The following PEG3 variants were observed in gnomAD, a reference collection of about 807,000 sequenced individuals.
The protein encoded by PEG3 is paternally-expressed gene 3 protein.
Under a neutral mutation model 35.5 loss-of-function variants are expected in PEG3, and 23 were observed. The ratio of observed to expected loss-of-function variants is 0.65; its 90% CI spans 0.47 to 0.92. The LOEUF is 0.92. PEG3 is among the 40% of genes least tolerant of loss of function. The pLI, the probability that PEG3 is intolerant of heterozygous loss-of-function variation, is 0.00. For missense variants in PEG3, 1,960 were observed against 1,985.3 expected (o/e 0.99, Z 0.24); for synonymous variants, 707 against 697.0 (o/e 1.01, Z -0.23).
Position 56,818,458 on chromosome 19 carries a change from T to A in PEG3, c.772+142A>T, listed in dbSNP as rs2060186246. ...ACAAATTTTATCATTTACTCCCTCA[T>A]TTGAAATCTTTCAAAGATTTCTTAT... On this transcript the variant is annotated intron_variant, in intron 8 of 9. Transcript: ENST00000326441. 4.4e-6 allele frequency: 4 copies of A among 907,704 alleles called. No homozygotes were observed. In the East Asian group the frequency reaches 1.0e-4, roughly 23 times the overall value. The allele number at this position is 907,704 out of a possible 1,614,324, so 56.2% of individuals were successfully genotyped here. A position where few individuals can be genotyped will look rare whatever the true frequency, so the allele number is the denominator to read the frequency against.
At chr19:56,835,005 G>A (rs184547447) in intron 2 of PEG3, among the ~76,000 whole-genome samples, 3 of 152,216 alleles carry the variant, frequency 2.0e-5, no homozygotes, top group Non-Finnish European at 4.4e-5. Context: ...GTGACTCACT[G>A]TGCCTCCTCT....
At chr19:56,825,922 T>C (rs1216968625) in intron 3 of PEG3, among the ~76,000 whole-genome samples, 1 of 152,198 alleles carries the variant, frequency 6.6e-6, no homozygotes, top group African/African-American at 2.4e-5. Flanking sequence ...AACTCATGTT[T>C]ACTCGTCTCA....
At chr19:56,832,385 G>A (rs1018232234) in intron 2 of PEG3, among the ~76,000 whole-genome samples, 2 of 151,952 alleles carry the variant, frequency 1.3e-5, no homozygotes, top group Non-Finnish European at 2.9e-5. Flanking sequence ...ACCACAGAGG[G>A]GGCTAACACG....
rs375409345 is a variant in PEG3 at position 56,816,769 on chromosome 19, C to A, written c.1673G>T (p.Gly558Val). 4 of 1,613,936 alleles carry A rather than the reference C, an allele frequency of 2.5e-6. No homozygotes were observed. The African/African-American group carries it at 4.0e-5, about 16-fold the overall frequency. Reference sequence around the variant, plus strand: ...CCTGCACTCGTAGAATTTGTCTTTGCCATATATTTTCTGAAGCTCACTAAA... The same window carrying A: ...CCTGCACTCGTAGAATTTGTCTTTGACATATATTTTCTGAAGCTCACTAAA... ...PTFSELQKIYGKDKFYECRVC... is the reference protein window; with the variant it reads ...PTFSELQKIYVKDKFYECRVC... Residue 558 changes from glycine (G) to valine (V), a missense_variant, in exon 10 of 10, where the codon GGC becomes GTC. By Grantham distance (109) the Gly-to-Val change is moderately radical. Coordinates refer to ENST00000326441, the MANE Select transcript of PEG3 (RefSeq NM_006210.3).
intron 1 of PEG3, among the ~76,000 whole-genome samples, chr19:56,839,118 A>G (rs762401236): frequency 5.4e-5 from 8 of 149,366 alleles, no homozygotes; most frequent in Middle Eastern, 7.2e-3. Flanking sequence ...AATCTCAAGC[A>G]CTTTCATTAA....
At position 56,817,152 on chromosome 19, in the gene PEG3, G is replaced by T; in HGVS notation, c.1290C>A (p.Ser430Arg). 6.2e-7 allele frequency: 1 copy of T among 1,614,144 alleles called. No homozygotes were observed. The highest frequency in any genetic ancestry group is 8.5e-7 in the Non-Finnish European group (1 of 1,180,022). ...SEMRKAMSVS[S>R]LSSLSSPSFT... ...AGGAGGGGGAGCTGAGGCTGCTCAG[G>T]CTGCTCACGCTCATGGCTTTTCTCA... Residue 430 changes from serine to arginine, a missense_variant, in exon 10 of 10, where the codon AGC becomes AGA. By Grantham distance (110) the Ser-to-Arg change is moderately radical (BLOSUM62 -1). Coordinates refer to ENST00000326441, the MANE Select transcript of PEG3 (RefSeq NM_006210.3).
Position 56,815,428 on chromosome 19 carries a change from G to A in PEG3, c.3014C>T (p.Ser1005Phe), listed in dbSNP as rs139783530. ...KPSGSRNYEW[S>F]VIRSLAPTDP... Reference sequence around the variant, plus strand: ...AGTAGGGGCCAAGCTGCGAATGACAGACCATTCATAGTTTCTGCTTCCAGA... The same window carrying A: ...AGTAGGGGCCAAGCTGCGAATGACAAACCATTCATAGTTTCTGCTTCCAGA... Residue 1005 changes from serine (S) to phenylalanine (F), a missense_variant, in exon 10 of 10, where the codon TCT becomes TTT. Physicochemically the swap from Ser to Phe is radical, Grantham distance 155 (BLOSUM62 -2). Around this residue, in one of 5 missense-constraint regions of PEG3, gnomAD observed 798 missense variants for 782.4 expected, o/e 1.02. Transcript: ENST00000326441. 49 of 1,613,934 alleles carry A rather than the reference G, an allele frequency of 3.0e-5. No individual in the cohort carries two copies. The African/African-American group carries it at 6.1e-4, about 20-fold the overall frequency.
Position 56,818,662 on chromosome 19 carries a change from T to C in PEG3, c.710A>G (p.Asp237Gly). 1.2e-6 allele frequency: 2 copies of C among 1,614,150 alleles called. No individual in the cohort carries two copies. The highest frequency in any genetic ancestry group is 2.2e-5 in the East Asian group (1 of 44,866). The change falls in exon 8 of 10, where the codon GAC becomes GGC. Residue 237 changes from aspartate (D) to glycine (G), a missense_variant. Physicochemically the swap from Asp to Gly is moderately conservative, Grantham distance 94. Coordinates refer to ENST00000326441, the MANE Select transcript of PEG3 (RefSeq NM_006210.3). ...CTGGATTGTGTTGTGAGGTTTCCTG[T>C]CCTCAGCGAGGTCCACCACATTTTG... ...SYQNVVDLAE[D>G]RKPHNTIQDN...
rs1206522472 is a variant in PEG3 at position 56,810,560 on chromosome 19, ATGAG to A, written c.*3111_*3114del. 3 of 941,256 alleles carry A rather than the reference ATGAG, an allele frequency of 3.2e-6. No individual in the cohort carries two copies. In the Admixed American group the frequency reaches 1.8e-4, roughly 58 times the overall value. 58.3% of individuals were successfully genotyped at this position (941,256 alleles called of 1,614,324 possible). ...CTTTACTGAATTTCCAAAGTTTTGT[ATGAG>A]TATGTATTATATTTGTAATGGAAAA... is the stretch of plus-strand genomic sequence containing the variant. On this transcript the variant is annotated 3_prime_UTR_variant, in exon 10 of 10. Transcript: ENST00000326441.
At chr19:56,834,618 T>TAAATGTGG (rs2061897367) in intron 2 of PEG3, among the ~76,000 whole-genome samples, 2 of 152,168 alleles carry the variant, frequency 1.3e-5, no homozygotes, top group Non-Finnish European at 2.9e-5. Context: ...TGAGCTTAGT[T>TAAATGTGG]AAATGTGGAT....
At position 56,812,761 on chromosome 19, in the gene PEG3, C is replaced by T. The variant is rs1022396176; in HGVS notation, c.*914G>A. 2 of 982,232 alleles carry T rather than the reference C, an allele frequency of 2.0e-6. No homozygotes were observed. Among genetic ancestry groups the T allele is most frequent in the African/African-American group, 1.8e-5 (1 of 56,208 alleles). The allele number at this position is 982,232 out of a possible 1,614,324, so 60.8% of individuals were successfully genotyped here. A position where few individuals can be genotyped will look rare whatever the true frequency, so the allele number is the denominator to read the frequency against. The stretch of plus-strand genomic sequence containing the variant: ...TTTAAAGGCAAAGATGTAAGATTTA[C>T]AGGGAAAAGCTTCGGGTTTTATCAA... On this transcript the variant is annotated 3_prime_UTR_variant, in exon 10 of 10. Transcript: ENST00000326441.
chr19:56,829,218 G>A (rs1410367451), intron 2 of PEG3, among the ~76,000 whole-genome samples: 1 of 151,730 alleles, frequency 6.6e-6, no homozygotes, highest in Non-Finnish European at 1.5e-5. Context: ...GGGCGTGGTG[G>A]CAGTAATCCC....
At chr19:56,835,123 G>A (rs1411728834) in intron 2 of PEG3, among the ~76,000 whole-genome samples, 1 of 151,890 alleles carries the variant, frequency 6.6e-6, no homozygotes, top group African/African-American at 2.4e-5. Context: ...CACAAACCAA[G>A]CCACCATCTC....
rs768655056 is a variant in PEG3, at chr19:56,836,082, G to A, written c.-227C>T. 2.0e-6 allele frequency: 1 copy of A among 498,272 alleles called. No individual in the cohort carries two copies. The highest frequency in any genetic ancestry group is 4.0e-6 in the Non-Finnish European group (1 of 249,508). 30.9% of individuals were successfully genotyped at this position (498,272 alleles called of 1,614,324 possible). A position where few individuals can be genotyped will look rare whatever the true frequency, so the allele number is the denominator to read the frequency against. ...CCTCTCGCCAGTCGTCTCCAAGAAG[G>A]ACGGAAGATCAAGAAGGCAAAGCTG... On this transcript the variant is annotated 5_prime_UTR_variant, in exon 2 of 10. Coordinates refer to ENST00000326441, the MANE Select transcript of PEG3 (RefSeq NM_006210.3).
intron 2 of PEG3, chr19:56,833,446 G>A: frequency 3.1e-6 from 1 of 327,488 alleles, no homozygotes; most frequent in Non-Finnish European, 6.0e-6. Flanking sequence ...CTCTACTTCA[G>A]CACGCACATG....
intron 1 of PEG3, among the ~76,000 whole-genome samples, chr19:56,838,613 G>C (rs894783285): frequency 3.9e-5 from 6 of 152,192 alleles, no homozygotes; most frequent in Non-Finnish European, 1.5e-5. Flanking sequence ...CTCTGCCACC[G>C]TTAGCCAAAA....
chr19:56,820,876 G>T (rs542936343), intron 7 of PEG3, among the ~76,000 whole-genome samples: 1 of 152,180 alleles, frequency 6.6e-6, no homozygotes, highest in African/African-American at 2.4e-5. Flanking sequence ...GTACTGATAT[G>T]TGAAGGAAAG....
In PEG3 at chr19:56,818,678, C is replaced by T; in HGVS notation, c.694G>A (p.Val232Met). ...GGTTTCCTGTCCTCAGCGAGGTCCA[C>T]CACATTTTGGTATGATTCAGCATCC... ...SQDAESYQNV[V>M]DLAEDRKPHN... The change falls in exon 8 of 10, where the codon GTG (valine) becomes ATG (methionine). Residue 232 changes from valine to methionine, a missense_variant. This residue lies in a region of PEG3 where 613 missense variants were observed against 577.1 expected (regional missense o/e 1.06). Transcript: ENST00000326441. The T allele has an allele frequency of 6.2e-7, 1 of 1,614,162 alleles. No individual in the cohort carries two copies. The highest frequency in any genetic ancestry group is 2.2e-5 in the East Asian group (1 of 44,876).
At chr19:56,823,442 T>C (rs1306220556) in intron 5 of PEG3, 151 bp downstream of exon 5, 1 of 769,842 alleles carries the variant, frequency 1.3e-6, no homozygotes, top group African/African-American at 1.7e-5. Flanking sequence ...ATGACATCAA[T>C]TAATTTACCC....
Sources: allele counts gnomAD v4.1 joint callset (sites outside exome capture counted in the v4.1 genomes callset), GRCh38; gene constraint gnomAD v4.1.1; regional missense constraint gnomAD v4.1.1; transcripts MANE v1.5; gene names NCBI Gene and HGNC (gene_info 2026-07-23, HGNC 2026-07-21).